PTBP2: variants seen among roughly 807,000 people sequenced by gnomAD.
PTBP2 encodes the protein polypyrimidine tract binding protein 2, also known as polypyrimidine tract-binding protein 2.
PTBP2 carries 13 observed loss-of-function variants against 61.4 expected under a neutral mutation model. The ratio of observed to expected loss-of-function variants is 0.21; its 90% confidence interval spans 0.14 to 0.34. The LOEUF is 0.34. Ranked by LOEUF, PTBP2 falls within the 10% of genes least tolerant of loss-of-function variation. The pLI is 1.00. For missense variants in PTBP2, 405 were observed against 642.6 expected, an observed-to-expected ratio of 0.63 and a Z score of 4.00; for synonymous variants, 215 against 218.5, an observed-to-expected ratio of 0.98 and a Z score of 0.14.
chr1:96,781,001 A>G (rs1570926354), intron 7 of PTBP2, among the ~76,000 whole-genome samples: 1 of 151,914 alleles, frequency 6.6e-6, no homozygotes, highest in Non-Finnish European at 1.5e-5. Context: ...TCTTGCTACC[A>G]TTGCAGTCTA....
At position 96,769,730 on chromosome 1, in the gene PTBP2, A is replaced by G. The variant is rs1440006627; in HGVS notation, c.143A>G (p.Lys48Arg). Residue 48 changes from lysine (K) to arginine (R), a missense_variant, in exon 4 of 14, where the codon AAA becomes AGA. Physicochemically the swap from Lys to Arg is conservative, Grantham distance 26 (BLOSUM62 2). Coordinates refer to ENST00000674951, the MANE Select transcript of PTBP2 (RefSeq NM_021190.4). ...AATGGTAATGATAGTAAAAAATTTAAAGGAGAAGATAAAATGGATGGTGCT... is the reference window on the plus strand; with the variant it reads ...AATGGTAATGATAGTAAAAAATTTAGAGGAGAAGATAAAATGGATGGTGCT... ...TANGNDSKKF[K>R]GEDKMDGAPS... 6.2e-7 allele frequency: 1 copy of G among 1,601,826 alleles called. No individual in the cohort carries two copies. Among genetic ancestry groups the G allele is most frequent in the Non-Finnish European group, 8.5e-7 (1 of 1,174,532 alleles).
chr1:96,807,488 T>G (rs1322281274), intron 11 of PTBP2, among the ~76,000 whole-genome samples: 1 of 152,240 alleles, frequency 6.6e-6, no homozygotes, highest in Non-Finnish European at 1.5e-5. Context: ...TTAATTAAAC[T>G]TATGTCGTTT....
intron 5 of PTBP2, among the ~76,000 whole-genome samples, chr1:96,774,928 T>C (rs536837855): frequency 1.3e-5 from 2 of 152,340 alleles, no homozygotes; most frequent in East Asian, 3.9e-4. Flanking sequence ...GCATGTTTTC[T>C]CTTGATGTCA....
intron 2 of PTBP2, among the ~76,000 whole-genome samples, chr1:96,741,414 C>G (rs1188235889): frequency 1.3e-5 from 2 of 152,076 alleles, no homozygotes; most frequent in Non-Finnish European, 2.9e-5. Flanking sequence ...GAATACACCA[C>G]TATGCCCAGC....
intron 2 of PTBP2, among the ~76,000 whole-genome samples, chr1:96,746,866 CGT>C: frequency 1.0e-5 from 1 of 97,786 alleles, no homozygotes; most frequent in Non-Finnish European, 2.0e-5. Context: ...TCCCTCCGTC[CGT>C]CTGTCCCTCC....
chr1:96,756,944 T>A (rs1655226462), intron 3 of PTBP2, among the ~76,000 whole-genome samples: 1 of 152,184 alleles, frequency 6.6e-6, no homozygotes, highest in Non-Finnish European at 1.5e-5. Flanking sequence ...GTGATTATAA[T>A]GTGTCAGTGT....
At chr1:96,818,699 C>G (rs1571060160), downstream of PTBP2, 2 of 152,148 alleles carry the variant, frequency 1.3e-5, no homozygotes, top group South Asian at 2.1e-4. Flanking sequence ...TAAAAATCAG[C>G]TTCAAAGTTT....
intron 7 of PTBP2, among the ~76,000 whole-genome samples, chr1:96,779,536 G>C (rs957209753): frequency 2.0e-5 from 3 of 152,026 alleles, no homozygotes; most frequent in Non-Finnish European, 2.9e-5. Context: ...TGTGTCAACT[G>C]TTTGACATTT....
intron 2 of PTBP2, among the ~76,000 whole-genome samples, chr1:96,726,120 G>C (rs1233421007): frequency 7.4e-6 from 1 of 134,566 alleles, no homozygotes; most frequent in Non-Finnish European, 1.6e-5. Flanking sequence ...AATTCAAACT[G>C]CTTCACAGCT....
At chr1:96,726,275 CTTT>C (rs564018394) in intron 2 of PTBP2, among the ~76,000 whole-genome samples, 1 of 125,640 alleles carries the variant, frequency 8.0e-6, no homozygotes, top group African/African-American at 2.9e-5. Flanking sequence ...CACATCTTGC[CTTT>C]TTTTTTTTTT....
intron 2 of PTBP2, among the ~76,000 whole-genome samples, chr1:96,736,988 C>CT (rs776900400): frequency 1.3e-4 from 15 of 116,424 alleles, no homozygotes; most frequent in Admixed American, 7.6e-4. Flanking sequence ...TTCTTTCTTT[C>CT]TTTTTTTTTT....
chr1:96,732,595 T>C (rs1359101712), intron 2 of PTBP2, among the ~76,000 whole-genome samples: 2 of 152,208 alleles, frequency 1.3e-5, no homozygotes, highest in Non-Finnish European at 2.9e-5. Flanking sequence ...AAAAGATAAA[T>C]AACAAGACTA....
At chr1:96,729,975 G>A (rs1651178000) in intron 2 of PTBP2, among the ~76,000 whole-genome samples, 1 of 151,786 alleles carries the variant, frequency 6.6e-6, no homozygotes, top group Non-Finnish European at 1.5e-5. Flanking sequence ...TGATCTGCCC[G>A]CCCTGCCTCA....
intron 7 of PTBP2, among the ~76,000 whole-genome samples, chr1:96,783,102 C>T (rs947435551): frequency 3.3e-5 from 5 of 151,982 alleles, no homozygotes; most frequent in African/African-American, 9.7e-5. Context: ...GGTTTGTGTG[C>T]TACTGCTATT....
intron 9 of PTBP2, among the ~76,000 whole-genome samples, chr1:96,805,765 G>A (rs1557775337): frequency 6.6e-6 from 1 of 152,154 alleles, no homozygotes; most frequent in Admixed American, 6.5e-5. Context: ...ATGCTAAAAT[G>A]TTTGAATCAG....
intron 5 of PTBP2, among the ~76,000 whole-genome samples, chr1:96,773,653 T>G (rs992804384): frequency 1.3e-5 from 2 of 152,048 alleles, no homozygotes; most frequent in Non-Finnish European, 2.9e-5. Flanking sequence ...AAGAGGCTCT[T>G]ATTCTGGGTC....
chr1:96,749,494 GCAT>G (rs1005525022), intron 2 of PTBP2: 3 of 326,060 alleles, frequency 9.2e-6, no homozygotes, highest in African/African-American at 6.5e-5. Flanking sequence ...AAAACTTTAA[GCAT>G]CACTTAAGTT....
chr1:96,815,437 A>C (rs1247514348), downstream of PTBP2: 2 of 152,154 alleles, frequency 1.3e-5, no homozygotes, highest in African/African-American at 2.4e-5. Context: ...AGTATTTAAA[A>C]ACTTAGAGTA....
intron 2 of PTBP2, among the ~76,000 whole-genome samples, chr1:96,727,963 AT>A (rs1014019933): frequency 2.0e-5 from 3 of 151,648 alleles, no homozygotes; most frequent in Non-Finnish European, 2.9e-5. Context: ...AGCCATGAAG[AT>A]TTTTTTCCTT....
Sources: allele counts gnomAD v4.1 joint callset (sites outside exome capture counted in the v4.1 genomes callset), GRCh38; gene constraint gnomAD v4.1.1; transcripts MANE v1.5; gene names NCBI Gene and HGNC (gene_info 2026-07-23, HGNC 2026-07-21).